The following MTMR10 variants were observed in gnomAD, a reference collection of about 807,000 sequenced individuals.
The protein encoded by MTMR10 is myotubularin-related protein 10.
In MTMR10, 56 loss-of-function variants were observed where a neutral mutation model predicts 88.1. The ratio of observed to expected loss-of-function variants is 0.64; its 90% CI spans 0.51 to 0.79. MTMR10 has a LOEUF of 0.79. Among genes scored for constraint, MTMR10 ranks in the 30% least tolerant of loss-of-function variants. MTMR10 has a pLI of 0.00. For missense variants in MTMR10, 883 were observed against 924.7 expected (o/e 0.95, Z 0.58); for synonymous variants, 380 against 340.9 (o/e 1.11, Z -1.26).
In MTMR10 at chr15:30,939,564, C is replaced by T. The variant is rs1021497085; in HGVS notation, c.*1906G>A. Reference sequence around the variant, plus strand: ...AAGTATTTTACATTTGATTATCATACAAAAATATGCATTTTTCTATTTTTA... The same window carrying T: ...AAGTATTTTACATTTGATTATCATATAAAAATATGCATTTTTCTATTTTTA... On this transcript the variant is annotated 3_prime_UTR_variant, in exon 16 of 16. Coordinates refer to ENST00000435680, the MANE Select transcript of MTMR10 (RefSeq NM_017762.3). The T allele has an allele frequency of 1.7e-5, 16 of 960,554 alleles. No homozygotes were observed. Among genetic ancestry groups the T allele is most frequent in the Admixed American group, 6.2e-5 (1 of 16,224 alleles). The allele number at this position is 960,554 out of a possible 1,614,324, so 59.5% of individuals were successfully genotyped here.
chr15:30,962,071 CT>C (rs1021451068), intron 6 of MTMR10, among the ~76,000 whole-genome samples: 16 of 152,140 alleles, frequency 1.1e-4, no homozygotes, highest in African/African-American at 3.6e-4. Flanking sequence ...CTCGATTTTC[CT>C]TTGAAAAGCT....
intron 3 of MTMR10, 114 bp downstream of exon 3, chr15:30,976,705 T>C: frequency 8.6e-7 from 1 of 1,161,354 alleles, no homozygotes; most frequent in Non-Finnish European, 1.2e-6. Context: ...TCCCAAACAT[T>C]GCATTACCTA....
At chr15:30,960,761 T>C in intron 7 of MTMR10, 120 bp downstream of exon 7, 1 of 1,207,180 alleles carries the variant, frequency 8.3e-7, no homozygotes, top group Non-Finnish European at 1.1e-6. Flanking sequence ...ATTAAAACAT[T>C]ATTAAAAACA....
intron 6 of MTMR10, 52 bp downstream of exon 6, chr15:30,967,868 T>A (rs2063490546): frequency 7.0e-7 from 1 of 1,421,856 alleles, no homozygotes. Flanking sequence ...AACATAAGAG[T>A]AAAATTTACA....
chr15:30,938,962 T>C lies in MTMR10; in HGVS notation c.*2508A>G. 1.0e-6 allele frequency: 1 copy of C among 985,430 alleles called. No homozygotes were observed. Among genetic ancestry groups the C allele is most frequent in the Non-Finnish European group, 1.2e-6 (1 of 829,914 alleles). The allele number at this position is 985,430 out of a possible 1,614,324, so 61.0% of individuals were successfully genotyped here. A position where few individuals can be genotyped will look rare whatever the true frequency, so the allele number is the denominator to read the frequency against. ...AACAAACAGTCGCTGTGGAATTTTA[T>C]TAAGCCATCAAAATTTCCTTCACAT... On this transcript the variant is annotated 3_prime_UTR_variant, in exon 16 of 16. Coordinates refer to ENST00000435680, the MANE Select transcript of MTMR10 (RefSeq NM_017762.3).
rs1974285187 is a variant in MTMR10, at chr15:30,940,042, G to A, written c.*1428C>T. On this transcript the variant is annotated 3_prime_UTR_variant, in exon 16 of 16. Coordinates refer to ENST00000435680, the MANE Select transcript of MTMR10 (RefSeq NM_017762.3). ...TCAGTACATATAAAGGTAAAATACA[G>A]TTATCTTGAAAACACTTGTTTTAGA... 1 of 978,714 alleles carries A rather than the reference G, an allele frequency of 1.0e-6. No individual in the cohort carries two copies. The highest frequency in any genetic ancestry group is 1.2e-6 in the Non-Finnish European group (1 of 823,872). The allele number at this position is 978,714 out of a possible 1,614,324, so 60.6% of individuals were successfully genotyped here.
intron 12 of MTMR10, 25 bp from the exon 13 acceptor site, chr15:30,948,496 G>A (rs1317709457): frequency 6.4e-7 from 1 of 1,571,338 alleles, no homozygotes; most frequent in Admixed American, 1.9e-5. Flanking sequence ...GAAAGAAAAT[G>A]ATTACAACAT....
intron 6 of MTMR10, 34 bp from the exon 7 acceptor site, chr15:30,961,107 G>C: frequency 2.0e-6 from 3 of 1,522,140 alleles, no homozygotes; most frequent in Non-Finnish European, 2.6e-6. Flanking sequence ...AATTTTAACA[G>C]TCACATTTTC....
chr15:30,973,841 C>A (rs569705657), intron 5 of MTMR10, among the ~76,000 whole-genome samples: 1 of 152,260 alleles, frequency 6.6e-6, no homozygotes, highest in South Asian at 2.1e-4. Context: ...GAGTGTCACT[C>A]AATTCATAAT....
At chr15:30,921,514 T>A in the MTMR10 span, among the ~76,000 whole-genome samples, 15 of 152,098 alleles carry the variant, frequency 9.9e-5, no homozygotes, top group African/African-American at 7.2e-5. Flanking sequence ...TGGTCAAAAA[T>A]ATATATATAC....
rs1436963516 is a variant in MTMR10 at position 30,976,040 on chromosome 15, G to A, written c.258+779C>T. On this transcript the variant is annotated intron_variant, in intron 3 of 15. Coordinates refer to ENST00000435680, the MANE Select transcript of MTMR10 (RefSeq NM_017762.3). ...GAGGGCTACTGAAAATTTTTAAATC[G>A]ATACTATTCTTCACTCTTCCTAGAA... Among the ~76,000 whole-genome samples, 7 of 150,576 alleles carry A rather than the reference G, an allele frequency of 4.6e-5. No homozygotes were observed. In the South Asian group the frequency reaches 1.3e-3, roughly 27 times the overall value.
chr15:30,939,716 T>C lies in MTMR10; in HGVS notation c.*1754A>G. The C allele has an allele frequency of 1.0e-6, 1 of 975,800 alleles. No homozygotes were observed. The highest frequency in any genetic ancestry group is 1.2e-6 in the Non-Finnish European group (1 of 821,242). The allele number at this position is 975,800 out of a possible 1,614,324, so 60.4% of individuals were successfully genotyped here. On this transcript the variant is annotated 3_prime_UTR_variant, in exon 16 of 16. Transcript: ENST00000435680. ...AAAATGCTCAATCCAAAACATTTAG[T>C]AATAATAAAAAAGCAGCTAAATGAA...
intron 12 of MTMR10, chr15:30,950,304 G>C (rs1168499069): frequency 2.0e-5 from 3 of 152,084 alleles, no homozygotes; most frequent in East Asian, 1.9e-4. Flanking sequence ...ATTACTATTT[G>C]ATTTTTTTCT....
rs1487105764 is a variant in MTMR10 at position 30,941,971 on chromosome 15, T to C, written c.1833A>G (p.Lys611=). Residue 611 remains lysine, a synonymous_variant, in exon 16 of 16, where the codon AAA becomes AAG. Coordinates refer to ENST00000435680, the MANE Select transcript of MTMR10 (RefSeq NM_017762.3). ...LLPRRNSLIL[K]PKPDPAQQTD... ...TTTGCTGAGCTGGATCTGGCTTTGGTTTTAATATCAATGAATTTCTCCTTG... is the reference window on the plus strand; with the variant it reads ...TTTGCTGAGCTGGATCTGGCTTTGGCTTTAATATCAATGAATTTCTCCTTG... The C allele has an allele frequency of 1.3e-5, 21 of 1,613,860 alleles. No individual in the cohort carries two copies. The highest frequency in any genetic ancestry group is 1.8e-5 in the Non-Finnish European group (21 of 1,179,902).
intron 2 of MTMR10, among the ~76,000 whole-genome samples, chr15:30,978,291 T>C (rs1336321902): frequency 6.6e-6 from 1 of 152,196 alleles, no homozygotes; most frequent in Non-Finnish European, 1.5e-5. Flanking sequence ...ATATGCTCCA[T>C]GAGGGTAGAA....
rs1192555808 is a variant in MTMR10 at position 30,939,941 on chromosome 15, T to A, written c.*1529A>T. 1 of 985,016 alleles carries A rather than the reference T, an allele frequency of 1.0e-6. No individual in the cohort carries two copies. Among genetic ancestry groups the A allele is most frequent in the Non-Finnish European group, 1.2e-6 (1 of 829,618 alleles). The allele number at this position is 985,016 out of a possible 1,614,324, so 61.0% of individuals were successfully genotyped here. Reference sequence around the variant, plus strand: ...AAAGTGAATTTCTTAAGATATTTTTTAAGAACTCCTGTCCTGTTATATCCA... The same window carrying A: ...AAAGTGAATTTCTTAAGATATTTTTAAAGAACTCCTGTCCTGTTATATCCA... On this transcript the variant is annotated 3_prime_UTR_variant, in exon 16 of 16. Coordinates refer to ENST00000435680, the MANE Select transcript of MTMR10 (RefSeq NM_017762.3).
At chr15:30,983,235 C>T (rs967354354) in intron 2 of MTMR10, among the ~76,000 whole-genome samples, 4 of 152,152 alleles carry the variant, frequency 2.6e-5, no homozygotes, top group African/African-American at 9.7e-5. Context: ...CACAAGGAAG[C>T]CTCATGAAGC....
chr15:30,941,746 A>G lies in MTMR10; in HGVS notation c.2058T>C (p.Ala686=), dbSNP rs752741599. ...TCCTGCTCAGTACGTCGACTTCATC[A>G]GCCAGGAGGGAGAGCTTGTGAAAGG... ...ITAFHKLSLL[A]DEVDVLSRML... is the part of the protein sequence containing the mutation. Residue 686 remains alanine, a synonymous_variant, in exon 16 of 16, where the codon GCT becomes GCC. Coordinates refer to ENST00000435680, the MANE Select transcript of MTMR10 (RefSeq NM_017762.3). The G allele has an allele frequency of 8.1e-6, 13 of 1,613,876 alleles. No individual in the cohort carries two copies. The Middle Eastern group carries it at 4.9e-4, about 61-fold the overall frequency.
At chr15:30,968,268 T>C (rs1438889148) in intron 5 of MTMR10, 4 of 306,834 alleles carry the variant, frequency 1.3e-5, no homozygotes, top group Admixed American at 9.8e-5. Context: ...TAAATTTTAA[T>C]TGGAAAGTAA....
Sources: gnomAD v4.1 joint callset for allele counts (sites outside exome capture counted in the v4.1 genomes callset) on GRCh38, gnomAD v4.1.1 for gene constraint, MANE v1.5 for transcripts, NCBI Gene and HGNC (gene_info 2026-07-23, HGNC 2026-07-21) for gene names.